EFNB2: variants seen among roughly 807,000 people sequenced by gnomAD.
The protein encoded by EFNB2 is ephrin B2, also known as ephrin-B2.
EFNB2 carries 5 observed loss-of-function variants against 32.1 expected under a neutral mutation model. The observed-to-expected ratio is 0.16, with a 90% confidence interval of 0.08 to 0.33. The LOEUF (loss-of-function observed/expected upper bound fraction) is 0.33. EFNB2 is among the 10% of genes least tolerant of loss of function. The pLI is 1.00. For synonymous variants in EFNB2, 168 were observed against 166.5 expected, an observed-to-expected ratio of 1.01 and a Z score of -0.07; for missense variants, 263 against 422.6, an observed-to-expected ratio of 0.62 and a Z score of 3.31.
rs772741398 is a variant in EFNB2, at chr13:106,494,887, T to C, written c.607A>G (p.Asn203Asp). 1.2e-6 allele frequency: 2 copies of C among 1,613,408 alleles called. No homozygotes were observed. The part of the protein sequence containing the change: ...SSTTSPFVKP[N>D]PGSSTDGNSA... ...ACAGATCATGCTGTTATACCTGGAT[T>C]TGGTTTTACAAAGGGACTTGTTGTC... is the stretch of plus-strand genomic sequence containing the variant. Residue 203 changes from asparagine (N) to aspartate (D), a missense_variant, in exon 4 of 5, where the codon AAT (asparagine) becomes GAT (aspartate). Physicochemically the swap from Asn to Asp is conservative, Grantham distance 23. Coordinates refer to ENST00000646441, the MANE Select transcript of EFNB2 (RefSeq NM_004093.4).
intron 2 of EFNB2, among the ~76,000 whole-genome samples, chr13:106,502,679 A>G (rs1423486068): frequency 1.3e-5 from 2 of 152,222 alleles, no homozygotes; most frequent in African/African-American, 2.4e-5. Flanking sequence ...CCACATCTAG[A>G]ACAGGAGAAA....
intron 2 of EFNB2, among the ~76,000 whole-genome samples, chr13:106,501,217 TG>T (rs1343892506): frequency 1.3e-5 from 2 of 152,208 alleles, no homozygotes; most frequent in African/African-American, 4.8e-5. Flanking sequence ...AACATGGAAA[TG>T]ATAGTGTTCA....
intron 1 of EFNB2, among the ~76,000 whole-genome samples, chr13:106,523,768 AAT>A (rs1265931352): frequency 6.6e-6 from 1 of 152,212 alleles, no homozygotes; most frequent in Non-Finnish European, 1.5e-5. Context: ...TTGCTGTAGA[AAT>A]AAGCCTGGAC....
rs1222562049 is a variant in EFNB2, at chr13:106,535,096, C to T, written c.-132G>A. 1 of 1,272,906 alleles carries T rather than the reference C, an allele frequency of 7.9e-7. No homozygotes were observed. Among genetic ancestry groups the T allele is most frequent in the African/African-American group, 1.5e-5 (1 of 64,804 alleles). 78.9% of individuals were successfully genotyped at this position (1,272,906 alleles called of 1,614,324 possible). A position where few individuals can be genotyped will look rare whatever the true frequency, so the allele number is the denominator to read the frequency against. ...CGCCCGCAGGCAGCTCCGAGGCGCG[C>T]TGCGCAGCTCCAGCGGTCGCCGGGC... On this transcript the variant is annotated 5_prime_UTR_variant, in exon 1 of 5. Transcript: ENST00000646441.
At chr13:106,533,042 T>G (rs992634527) in intron 1 of EFNB2, among the ~76,000 whole-genome samples, 3 of 151,304 alleles carry the variant, frequency 2.0e-5, no homozygotes, top group Non-Finnish European at 4.4e-5. Flanking sequence ...AACTAAACGC[T>G]GAAGAGGCTA....
At chr13:106,495,606 C>A in intron 3 of EFNB2, 142 bp downstream of exon 3, 1 of 743,130 alleles carries the variant, frequency 1.3e-6, no homozygotes, top group South Asian at 1.9e-5. Context: ...GGAAATCTGT[C>A]AGTGGCTCAA....
At chr13:106,503,921 A>G (rs922078103) in intron 2 of EFNB2, among the ~76,000 whole-genome samples, 1 of 152,246 alleles carries the variant, frequency 6.6e-6, no homozygotes, top group Admixed American at 6.5e-5. Context: ...TTCTAAAGAT[A>G]AAACATAATT....
At chr13:106,497,553 T>A (rs536464353) in intron 2 of EFNB2, among the ~76,000 whole-genome samples, 3 of 152,078 alleles carry the variant, frequency 2.0e-5, no homozygotes, top group Middle Eastern at 3.2e-3. Flanking sequence ...AATTTTTTTT[T>A]ATTATACTTT....
intron 1 of EFNB2, among the ~76,000 whole-genome samples, chr13:106,525,475 C>G (rs568168585): frequency 6.6e-6 from 1 of 152,352 alleles, no homozygotes; most frequent in Non-Finnish European, 1.5e-5. Context: ...CTGTCTTGAG[C>G]AATGGCCGGA....
At chr13:106,526,614 C>CT (rs1018188357) in intron 1 of EFNB2, among the ~76,000 whole-genome samples, 8 of 151,290 alleles carry the variant, frequency 5.3e-5, no homozygotes, top group African/African-American at 1.5e-4. Context: ...CGAGAACTTG[C>CT]TTTTTTTTTA....
chr13:106,510,854 A>C (rs1879120089), intron 2 of EFNB2, among the ~76,000 whole-genome samples: 1 of 152,166 alleles, frequency 6.6e-6, no homozygotes, highest in South Asian at 2.1e-4. Context: ...TTGACTAAAA[A>C]TACAAAAATT....
intron 1 of EFNB2, among the ~76,000 whole-genome samples, chr13:106,532,078 C>CAAAAAAA (rs1566464992): frequency 4.6e-3 from 176 of 38,206 alleles, no homozygotes; most frequent in African/African-American, 0.013. Context: ...AAAAAAAAAA[C>CAAAAAAA]CAAAACTTTA....
At chr13:106,495,650 A>G in intron 3 of EFNB2, 98 bp downstream of exon 3, 1 of 1,168,476 alleles carries the variant, frequency 8.6e-7, no homozygotes, top group Non-Finnish European at 1.2e-6. Flanking sequence ...AACTAAAAAG[A>G]AGAGCGAATG....
In EFNB2 at chr13:106,513,408, A is replaced by G. The variant is rs1487063328; in HGVS notation, c.123-596T>C. ...AAAAGCAATGTCTTACAAATGCGTA[A>G]AAGATAACCAGAAATAATTAGTTGT... On this transcript the variant is annotated intron_variant, in intron 1 of 4. Transcript: ENST00000646441. Among the ~76,000 whole-genome samples, 3 of 152,242 alleles carry G rather than the reference A, an allele frequency of 2.0e-5. No individual in the cohort carries two copies. The East Asian group carries it at 5.8e-4, about 29-fold the overall frequency.
rs1177283767 is a variant in EFNB2 at position 106,534,830 on chromosome 13, G to C, written c.122+13C>G. 2.5e-6 allele frequency: 4 copies of C among 1,608,036 alleles called. No homozygotes were observed. Among genetic ancestry groups the C allele is most frequent in the Non-Finnish European group, 3.4e-6 (4 of 1,177,242 alleles). ...CGGGGCGGGGACATAGGGGGATCGC[G>C]GACGCCACTTACTTGGAGTTCGAGG... is the stretch of plus-strand genomic sequence containing the variant. On this transcript the variant is annotated intron_variant, in intron 1 of 4. Transcript: ENST00000646441.
At chr13:106,501,808 G>C (rs998404865) in intron 2 of EFNB2, among the ~76,000 whole-genome samples, 13 of 152,054 alleles carry the variant, frequency 8.5e-5, no homozygotes, top group African/African-American at 2.7e-4. Flanking sequence ...TAGCCAGTTT[G>C]GTCTCGATCT....
At chr13:106,526,805 G>A (rs987830745) in intron 1 of EFNB2, among the ~76,000 whole-genome samples, 2 of 152,170 alleles carry the variant, frequency 1.3e-5, no homozygotes, top group African/African-American at 4.8e-5. Context: ...CCCAGGTAAA[G>A]GTGTGGAAAG....
intron 2 of EFNB2, among the ~76,000 whole-genome samples, chr13:106,506,949 T>C (rs182020134): frequency 6.6e-6 from 1 of 152,272 alleles, no homozygotes; most frequent in East Asian, 1.9e-4. Context: ...AAGATGTTGA[T>C]CTGTTTCTCT....
chr13:106,498,354 G>A (rs931269311), intron 2 of EFNB2, among the ~76,000 whole-genome samples: 1 of 152,222 alleles, frequency 6.6e-6, no homozygotes, highest in East Asian at 1.9e-4. Flanking sequence ...CGTCTGCAGA[G>A]GGAGAAACTG....
Sources: allele counts gnomAD v4.1 joint callset (sites outside exome capture counted in the v4.1 genomes callset), GRCh38; gene constraint gnomAD v4.1.1; transcripts MANE v1.5; gene names NCBI Gene and HGNC (gene_info 2026-07-23, HGNC 2026-07-21).